The following CDH18 variants were observed in gnomAD, a reference collection of about 807,000 sequenced individuals.
CDH18 encodes the protein cadherin-18.
In CDH18, 31 loss-of-function variants were observed where a neutral mutation model predicts 67.9. That is an observed-to-expected ratio of 0.46 (90% confidence interval 0.34 to 0.62). The LOEUF (loss-of-function observed/expected upper bound fraction) is 0.62. Among genes scored for constraint, CDH18 ranks in the 20% least tolerant of loss-of-function variants. The pLI is 0.01. For missense variants in CDH18, 890 were observed against 975.5 expected (o/e 0.91, Z 1.17); for synonymous variants, 362 against 347.2 (o/e 1.04, Z -0.48).
chr5:20,391,639 T>A (rs1744869797), intron 1 of CDH18, among the ~76,000 whole-genome samples: 1 of 152,036 alleles, frequency 6.6e-6, no homozygotes, highest in Non-Finnish European at 1.5e-5. Flanking sequence ...GAGCTTTACA[T>A]TACTTAAAAT....
At chr5:19,660,063 CCA>C (rs919503574) in intron 5 of CDH18, among the ~76,000 whole-genome samples, 5 of 151,952 alleles carry the variant, frequency 3.3e-5, no homozygotes, top group South Asian at 2.1e-4. Context: ...AAAATAAACC[CCA>C]GTTTTCAAAT....
intron 2 of CDH18, among the ~76,000 whole-genome samples, chr5:20,141,789 G>A (rs1487540778): frequency 6.6e-6 from 1 of 152,074 alleles, no homozygotes; most frequent in African/African-American, 2.4e-5. Context: ...GCAGTGAATT[G>A]AAGGAGGAGG....
At chr5:20,111,525 CCCTT>C (rs201987160) in intron 2 of CDH18, among the ~76,000 whole-genome samples, 31,109 of 121,426 alleles carry the variant, frequency 0.26, 4,543 homozygotes, top group Non-Finnish European at 0.33. Flanking sequence ...CTCCCTCCCT[CCCTT>C]CCTTCCTTCC....
intron 3 of CDH18, among the ~76,000 whole-genome samples, chr5:19,788,009 C>T (rs1775993375): frequency 6.6e-6 from 1 of 151,966 alleles, no homozygotes; most frequent in Non-Finnish European, 1.5e-5. Flanking sequence ...TTTTCTTTCT[C>T]TTTCTCTTTC....
intron 4 of CDH18, among the ~76,000 whole-genome samples, chr5:19,741,489 C>T (rs1252490668): frequency 6.6e-6 from 1 of 151,908 alleles, no homozygotes; most frequent in Non-Finnish European, 1.5e-5. Context: ...CACGCCATTA[C>T]TCTTCCTTTT....
chr5:19,657,033 T>A (rs80213999), intron 5 of CDH18, among the ~76,000 whole-genome samples: 1 of 152,106 alleles, frequency 6.6e-6, no homozygotes, highest in Non-Finnish European at 1.5e-5. Flanking sequence ...GTGAAAATAA[T>A]ATTAGTCTTA....
intron 3 of CDH18, among the ~76,000 whole-genome samples, chr5:19,789,159 T>C (rs1776110189): frequency 6.6e-6 from 1 of 152,228 alleles, no homozygotes; most frequent in South Asian, 2.1e-4. Flanking sequence ...CTTTACAAAA[T>C]ATTAATCTCC....
intron 1 of CDH18, among the ~76,000 whole-genome samples, chr5:20,457,290 A>G (rs1217692071): frequency 2.0e-5 from 3 of 152,232 alleles, no homozygotes; most frequent in Admixed American, 2.0e-4. Context: ...AGGTTTAACC[A>G]TGTAAAAATT....
chr5:19,533,782 T>A, intron 9 of CDH18, among the ~76,000 whole-genome samples: 1 of 152,138 alleles, frequency 6.6e-6, no homozygotes, highest in Middle Eastern at 3.4e-3. Context: ...ACTAGCTAGG[T>A]TGATATATAG....
chr5:19,895,700 A>T (rs1789249370), intron 2 of CDH18, among the ~76,000 whole-genome samples: 1 of 152,200 alleles, frequency 6.6e-6, no homozygotes, highest in Admixed American at 6.5e-5. Context: ...ACTATTTATA[A>T]ACATAACACT....
chr5:19,978,527 T>A (rs746114131), intron 2 of CDH18, among the ~76,000 whole-genome samples: 1 of 152,130 alleles, frequency 6.6e-6, no homozygotes, highest in African/African-American at 2.4e-5. Flanking sequence ...ACAAATTTAG[T>A]GCTTTAAAAA....
chr5:20,428,169 C>T (rs993335345), intron 1 of CDH18, among the ~76,000 whole-genome samples: 2 of 150,902 alleles, frequency 1.3e-5, no homozygotes, highest in African/African-American at 2.5e-5. Context: ...TTGCTCAACT[C>T]CCACTTATGA....
At chr5:20,172,681 T>A (rs1201376298) in intron 2 of CDH18, among the ~76,000 whole-genome samples, 2 of 152,020 alleles carry the variant, frequency 1.3e-5, no homozygotes, top group Non-Finnish European at 2.9e-5. Context: ...GGATTATAAG[T>A]GATTTTTCTT....
intron 1 of CDH18, chr5:20,305,187 C>T (rs910933705): frequency 1.1e-5 from 16 of 1,417,020 alleles, no homozygotes; most frequent in African/African-American, 7.1e-5. Context: ...TGTTTCCATT[C>T]GACAGTCCTT....
At chr5:20,069,707 A>G (rs1157022804) in intron 2 of CDH18, among the ~76,000 whole-genome samples, 2 of 152,068 alleles carry the variant, frequency 1.3e-5, no homozygotes, top group South Asian at 4.1e-4. Flanking sequence ...CACTGCGCCC[A>G]GCCATTTTTA....
At chr5:19,615,334 C>T (rs1049807980) in intron 5 of CDH18, among the ~76,000 whole-genome samples, 5 of 152,092 alleles carry the variant, frequency 3.3e-5, no homozygotes, top group African/African-American at 1.2e-4. Context: ...TCTGGGATCA[C>T]TTAAAGTACA....
chr5:19,973,791 G>A (rs1157550374), intron 2 of CDH18, among the ~76,000 whole-genome samples: 2 of 151,492 alleles, frequency 1.3e-5, no homozygotes, highest in Non-Finnish European at 2.9e-5. Context: ...AGCATAGATA[G>A]GGATCAAGTT....
intron 1 of CDH18, among the ~76,000 whole-genome samples, chr5:20,386,590 G>A (rs1393232230): frequency 2.6e-5 from 4 of 151,914 alleles, no homozygotes; most frequent in Non-Finnish European, 5.9e-5. Flanking sequence ...TAAATAATAT[G>A]GCCAAGTATA....
intron 2 of CDH18, among the ~76,000 whole-genome samples, chr5:20,106,898 T>C (rs1202745016): frequency 2.6e-5 from 4 of 152,296 alleles, no homozygotes; most frequent in Admixed American, 6.5e-5. Context: ...AAATCATTCA[T>C]AAGCTAGTAT....
Sources: gnomAD v4.1 joint callset for allele counts (sites outside exome capture counted in the v4.1 genomes callset) on GRCh38, gnomAD v4.1.1 for gene constraint, MANE v1.5 for transcripts, NCBI Gene and HGNC (gene_info 2026-07-23, HGNC 2026-07-21) for gene names.